Variants in TUBGCP3 observed in about 807,000 individuals in gnomAD.
The protein encoded by TUBGCP3 is tubulin gamma complex component 3.
In TUBGCP3, 50 loss-of-function variants were observed where a neutral mutation model predicts 123.1. The observed-to-expected ratio is 0.41, with a 90% confidence interval of 0.32 to 0.51. TUBGCP3 has a LOEUF of 0.51. TUBGCP3 is among the 20% of genes least tolerant of loss of function. The pLI, the probability that TUBGCP3 is intolerant of heterozygous loss-of-function variation, is 0.36. For synonymous variants in TUBGCP3, 405 were observed against 413.9 expected (o/e 0.98, Z 0.26); for missense variants, 882 against 1,127.0 (o/e 0.78, Z 3.11).
the TUBGCP3 span, chr13:112,602,844 C>T: frequency 5.3e-5 from 8 of 151,812 alleles, no homozygotes; most frequent in Non-Finnish European, 5.9e-5. Context: ...TACACATTAA[C>T]GGTTTTATTT....
intron 11 of TUBGCP3, among the ~76,000 whole-genome samples, chr13:112,540,708 A>G (rs1190968664): frequency 6.6e-6 from 1 of 152,026 alleles, no homozygotes; most frequent in African/African-American, 2.4e-5. Context: ...GATGACATCA[A>G]TGTAGTAGCC....
rs547889454 is a variant in TUBGCP3, at chr13:112,518,684, A to T, written c.1950+291T>A. Among the ~76,000 whole-genome samples the T allele has an allele frequency of 4.0e-4, 61 of 152,346 alleles. 1 individual carries two copies. The highest frequency in any genetic ancestry group is 3.4e-3 in the Middle Eastern group (1 of 294). On this transcript the variant is annotated intron_variant, in intron 16 of 21. Transcript: ENST00000261965. ...TATCCTTAACTAGTTGCCACAGTAT[A>T]AGAATAATGGAAGAAAATGAACAGT...
intron 19 of TUBGCP3, among the ~76,000 whole-genome samples, chr13:112,501,003 G>A (rs972580528): frequency 1.3e-5 from 2 of 152,166 alleles, no homozygotes; most frequent in East Asian, 1.9e-4. Context: ...CTTGGTATTC[G>A]GCAGTGAACA....
chr13:112,532,512 T>C (rs2139112847), intron 11 of TUBGCP3, among the ~76,000 whole-genome samples: 1 of 152,338 alleles, frequency 6.6e-6, no homozygotes, highest in African/African-American at 2.4e-5. Flanking sequence ...AAGCACCTAA[T>C]CTTTACTATC....
chr13:112,581,706 A>T (rs1470560348), intron 1 of TUBGCP3, among the ~76,000 whole-genome samples: 1 of 152,194 alleles, frequency 6.6e-6, no homozygotes, highest in African/African-American at 2.4e-5. Context: ...TTGGCCTCCC[A>T]AAGTGCTGGG....
chr13:112,569,501 A>G (rs1283287903), intron 1 of TUBGCP3, among the ~76,000 whole-genome samples: 1 of 152,242 alleles, frequency 6.6e-6, no homozygotes, highest in East Asian at 1.9e-4. Flanking sequence ...CCTAGATGAC[A>G]AAAAACAAAC....
intron 7 of TUBGCP3, 90 bp from the exon 8 acceptor site, chr13:112,554,272 C>T: frequency 6.9e-7 from 1 of 1,445,242 alleles, no homozygotes; most frequent in Non-Finnish European, 9.4e-7. Flanking sequence ...ACTTTTAATA[C>T]TATAATCCTT....
chr13:112,528,390 T>G (rs1231934216), intron 11 of TUBGCP3, among the ~76,000 whole-genome samples: 1 of 152,218 alleles, frequency 6.6e-6, no homozygotes, highest in Non-Finnish European at 1.5e-5. Flanking sequence ...GTCCTGTTTT[T>G]GCATCCTGGC....
At chr13:112,563,164 C>A (rs1451917459) in intron 3 of TUBGCP3, among the ~76,000 whole-genome samples, 1 of 152,218 alleles carries the variant, frequency 6.6e-6, no homozygotes, top group South Asian at 2.1e-4. Context: ...TCCTTCCACT[C>A]CGGACTCCTT....
At chr13:112,505,596 T>C (rs1881239790) in intron 17 of TUBGCP3, among the ~76,000 whole-genome samples, 1 of 152,240 alleles carries the variant, frequency 6.6e-6, no homozygotes, top group Admixed American at 6.5e-5. Context: ...AAAAATACTC[T>C]TTCTGTAAGT....
At chr13:112,555,154 G>T (rs1174575032) in intron 6 of TUBGCP3, 149 bp from the exon 7 acceptor site, 2 of 598,442 alleles carry the variant, frequency 3.3e-6, no homozygotes, top group Non-Finnish European at 5.8e-6. Flanking sequence ...AAAAGAGTAT[G>T]AGATTAGAAA....
At chr13:112,503,560 G>A (rs1881079091) in intron 19 of TUBGCP3, among the ~76,000 whole-genome samples, 1 of 151,874 alleles carries the variant, frequency 6.6e-6, no homozygotes, top group African/African-American at 2.4e-5. Context: ...TAGAGACAGG[G>A]TTTCACCATG....
intron 3 of TUBGCP3, among the ~76,000 whole-genome samples, chr13:112,564,170 CA>C (rs1374427344): frequency 6.6e-6 from 1 of 152,066 alleles, no homozygotes; most frequent in African/African-American, 2.4e-5. Context: ...GATAATATCG[CA>C]AATATTATGG....
In TUBGCP3 at chr13:112,508,144, C is replaced by T. The variant is rs1465874008; in HGVS notation, c.2087-3430G>A. Among the ~76,000 whole-genome samples, 4 of 152,250 alleles carry T rather than the reference C, an allele frequency of 2.6e-5. No homozygotes were observed. In the East Asian group the frequency reaches 5.8e-4, roughly 22 times the overall value. On this transcript the variant is annotated intron_variant, in intron 17 of 21. Coordinates refer to ENST00000261965, the MANE Select transcript of TUBGCP3 (RefSeq NM_006322.6). This position sits in a 1 kb window ranked among gnomAD's most constrained non-coding sequence, Gnocchi z 4.2. ...TGGCCCCACCAGGTTTGCATTGCTT[C>T]GCTGTCATGGCTTTGGCTCTGCCTG...
intron 11 of TUBGCP3, among the ~76,000 whole-genome samples, chr13:112,538,112 T>C (rs1878219789): frequency 6.6e-6 from 1 of 152,218 alleles, no homozygotes; most frequent in Admixed American, 6.5e-5. Flanking sequence ...CTTTGAAGAT[T>C]TGCTCTGTCT....
intron 8 of TUBGCP3, among the ~76,000 whole-genome samples, chr13:112,550,432 T>G (rs1879463372): frequency 1.3e-5 from 2 of 152,170 alleles, no homozygotes; most frequent in Admixed American, 6.5e-5. Flanking sequence ...ATACTAATTT[T>G]GTAGACACAA....
At chr13:112,507,227 T>G (rs1881364392) in intron 17 of TUBGCP3, among the ~76,000 whole-genome samples, 5 of 152,126 alleles carry the variant, frequency 3.3e-5, no homozygotes. Context: ...GACTCGCGGG[T>G]CTCACCCTGA....
intron 17 of TUBGCP3, among the ~76,000 whole-genome samples, chr13:112,509,876 G>A (rs1441571017): frequency 1.3e-5 from 2 of 152,158 alleles, no homozygotes; most frequent in Non-Finnish European, 2.9e-5. Context: ...GGCACAATTA[G>A]TCCTTTAGTT....
chr13:112,592,522 A>G (rs1227671567), upstream of TUBGCP3, among the ~76,000 whole-genome samples: 1 of 152,214 alleles, frequency 6.6e-6, no homozygotes, highest in Non-Finnish European at 1.5e-5. This position sits in a 1 kb window ranked among gnomAD's most constrained non-coding sequence, Gnocchi z 4.1. Flanking sequence ...GTGAAGGGAT[A>G]CTGTCTCACT....
Sources: allele counts gnomAD v4.1 joint callset (sites outside exome capture counted in the v4.1 genomes callset), GRCh38; gene constraint gnomAD v4.1.1; non-coding constraint Gnocchi (gnomAD v3.1); transcripts MANE v1.5; gene names NCBI Gene and HGNC (gene_info 2026-07-23, HGNC 2026-07-21).